Variants in FARS2 observed in about 807,000 individuals in gnomAD.
FARS2 encodes the protein phenylalanine--tRNA ligase, mitochondrial.
Under a neutral mutation model 46.4 loss-of-function variants are expected in FARS2, and 40 were observed. The observed-to-expected ratio is 0.86, with a 90% CI of 0.67 to 1.12. The LOEUF (loss-of-function observed/expected upper bound fraction) is 1.12, where lower values mean the gene tolerates loss of function less well. Among genes scored for constraint, FARS2 ranks in the 50% most tolerant of loss-of-function variants. The pLI, the probability that FARS2 is intolerant of heterozygous loss-of-function variation, is 0.00. For missense variants in FARS2, 513 were observed against 567.9 expected (o/e 0.90, Z 0.98); for synonymous variants, 234 against 214.9 (o/e 1.09, Z -0.78).
At chr6:5,578,034 C>T (rs1052593245) in intron 5 of FARS2, among the ~76,000 whole-genome samples, 1 of 152,124 alleles carries the variant, frequency 6.6e-6, no homozygotes, top group African/African-American at 2.4e-5. Flanking sequence ...ATCTTCTGAC[C>T]TCGTGATCCG....
chr6:5,260,521 T>C, upstream of FARS2: 1 of 1,292,570 alleles, frequency 7.7e-7, no homozygotes, highest in Non-Finnish European at 1.1e-6. Flanking sequence ...CGGAGCCCGG[T>C]CCTTGCCTCG....
At chr6:5,479,627 A>C (rs1561649946) in intron 4 of FARS2, among the ~76,000 whole-genome samples, 1 of 152,240 alleles carries the variant, frequency 6.6e-6, no homozygotes, top group South Asian at 2.1e-4. Context: ...TCTTATAACA[A>C]ATGCTGTTAC....
chr6:5,500,776 G>C (rs1005634740), intron 4 of FARS2, among the ~76,000 whole-genome samples: 5 of 151,976 alleles, frequency 3.3e-5, no homozygotes, highest in Admixed American at 1.3e-4. Context: ...AAATGACACT[G>C]GATAATTCAC....
intron 4 of FARS2, among the ~76,000 whole-genome samples, chr6:5,533,401 C>T (rs751625761): frequency 3.3e-4 from 50 of 152,300 alleles, no homozygotes; most frequent in Non-Finnish European, 6.2e-4. Context: ...TGAAATTCTT[C>T]GGAATACTAT....
intron 6 of FARS2, among the ~76,000 whole-genome samples, chr6:5,723,216 C>T (rs1240439697): frequency 6.6e-6 from 1 of 152,032 alleles, no homozygotes; most frequent in Non-Finnish European, 1.5e-5. Context: ...ATGACAGACC[C>T]AAGTACGTGC....
chr6:5,514,100 A>G (rs1020935600), intron 4 of FARS2, among the ~76,000 whole-genome samples: 4 of 151,582 alleles, frequency 2.6e-5, no homozygotes, highest in Non-Finnish European at 5.9e-5. Context: ...ATATATATAT[A>G]TATATATATG....
chr6:5,466,411 G>A, intron 4 of FARS2: 3 of 467,918 alleles, frequency 6.4e-6, no homozygotes, highest in Non-Finnish European at 8.4e-6. Context: ...CCCACTAGAT[G>A]CTGAGCTCCT....
chr6:5,671,946 G>A lies in FARS2; in HGVS notation c.1217+58626G>A, dbSNP rs1015370732. On this transcript the variant is annotated intron_variant, in intron 6 of 6. Coordinates refer to ENST00000274680, the MANE Select transcript of FARS2 (RefSeq NM_006567.5). ...GAGAGGAAACACAATTCCGATCATC[G>A]TGAGGAACGTGCATTTGCGGAAGAC... Among the ~76,000 whole-genome samples, 12 of 152,314 alleles carry A rather than the reference G, an allele frequency of 7.9e-5. No individual in the cohort carries two copies. In the Middle Eastern group the frequency reaches 0.014, roughly 173 times the overall value.
At chr6:5,611,286 A>C (rs1426070491) in intron 5 of FARS2, among the ~76,000 whole-genome samples, 2 of 152,162 alleles carry the variant, frequency 1.3e-5, no homozygotes, top group Non-Finnish European at 2.9e-5. Flanking sequence ...TATATGGAGA[A>C]AGCCACTTAG....
chr6:5,686,980 G>A (rs182190229), intron 6 of FARS2, among the ~76,000 whole-genome samples: 1 of 152,188 alleles, frequency 6.6e-6, no homozygotes, highest in Non-Finnish European at 1.5e-5. Flanking sequence ...TCATGTGTCT[G>A]TTGGCTGCAT....
intron 4 of FARS2, among the ~76,000 whole-genome samples, chr6:5,446,094 T>A (rs1021990277): frequency 2.0e-5 from 3 of 151,826 alleles, no homozygotes; most frequent in Admixed American, 6.6e-5. Flanking sequence ...TCCCAGCTAC[T>A]CAGGAGGCTG....
intron 6 of FARS2, among the ~76,000 whole-genome samples, chr6:5,709,142 A>G (rs985729902): frequency 1.3e-5 from 2 of 152,080 alleles, no homozygotes; most frequent in African/African-American, 4.8e-5. Flanking sequence ...AAACATTTTC[A>G]TTTCTCGAAG....
At chr6:5,405,505 T>TTTTTTTTTTTTTTTTAG in intron 3 of FARS2, among the ~76,000 whole-genome samples, 1 of 128,648 alleles carries the variant, frequency 7.8e-6, no homozygotes, top group Non-Finnish European at 1.6e-5. Context: ...TTTTTTTTTT[T>TTTTTTTTTTTTTTTTAG]GAGACGGAGT....
chr6:5,610,780 T>A (rs1423724420), intron 5 of FARS2, among the ~76,000 whole-genome samples: 1 of 152,244 alleles, frequency 6.6e-6, no homozygotes, highest in Admixed American at 6.5e-5. Context: ...AATTCTATGG[T>A]TGTGGGTTAT....
chr6:5,673,399 A>G (rs189626398), intron 6 of FARS2, among the ~76,000 whole-genome samples: 14 of 152,292 alleles, frequency 9.2e-5, no homozygotes, highest in Admixed American at 9.2e-4. Flanking sequence ...TTCCTAGGGC[A>G]CCACAGTTAA....
chr6:5,464,713 A>G (rs1403649667), intron 4 of FARS2, among the ~76,000 whole-genome samples: 42 of 152,220 alleles, frequency 2.8e-4, no homozygotes, highest in Admixed American at 2.6e-3. Context: ...GCAGCAGACC[A>G]GCATTCCGTA....
chr6:5,477,646 A>G (rs71557564), intron 4 of FARS2, among the ~76,000 whole-genome samples: 4,962 of 152,286 alleles, frequency 0.033, 138 homozygotes, highest in Non-Finnish European at 0.053. Flanking sequence ...CTCAGTTTAC[A>G]AATTATTGTA....
At chr6:5,405,497 T>TTTTTTTTTA (rs1761528139) in intron 3 of FARS2, among the ~76,000 whole-genome samples, 1 of 134,358 alleles carries the variant, frequency 7.4e-6, no homozygotes, top group Non-Finnish European at 1.6e-5. Context: ...TTTTTTTTTT[T>TTTTTTTTTA]TTTTTTTTGA....
intron 6 of FARS2, among the ~76,000 whole-genome samples, chr6:5,651,576 C>T (rs893481496): frequency 4.6e-5 from 7 of 152,234 alleles, no homozygotes; most frequent in African/African-American, 1.7e-4. Flanking sequence ...GCGCGGTCAT[C>T]ATCAGAGGGG....
Sources: gnomAD v4.1 joint callset for allele counts (sites outside exome capture counted in the v4.1 genomes callset) on GRCh38, gnomAD v4.1.1 for gene constraint, MANE v1.5 for transcripts, NCBI Gene and HGNC (gene_info 2026-07-23, HGNC 2026-07-21) for gene names.